The following GLIS3 variants were observed in gnomAD, a reference collection of about 807,000 sequenced individuals.
GLIS3 encodes the protein GLIS family zinc finger 3, also known as zinc finger protein GLIS3.
GLIS3 carries 53 observed loss-of-function variants against 78.6 expected under a neutral mutation model. The observed-to-expected ratio is 0.67, with a 90% CI of 0.54 to 0.85. GLIS3 has a LOEUF of 0.85. GLIS3 is among the 40% of genes least tolerant of loss of function. GLIS3 has a pLI of 0.00. For missense variants in GLIS3, 1,703 were observed against 1,231.1 expected (o/e 1.38, Z -5.74); for synonymous variants, 684 against 509.9 (o/e 1.34, Z -4.60).
the GLIS3 span, among the ~76,000 whole-genome samples, chr9:4,377,622 G>A: frequency 9.0e-5 from 7 of 77,688 alleles, no homozygotes; most frequent in Admixed American, 3.7e-4. Context: ...ATCTTATTTC[G>A]CAAAGTAGTG....
At chr9:4,432,639 T>C in the GLIS3 span, among the ~76,000 whole-genome samples, 1 of 46,856 alleles carries the variant, frequency 2.1e-5, no homozygotes, top group East Asian at 1.2e-3. Context: ...TTTTATTTCC[T>C]TTTTTTTTTT....
chr9:4,394,251 A>T, the GLIS3 span, among the ~76,000 whole-genome samples: 246 of 151,916 alleles, frequency 1.6e-3, 1 homozygote, highest in African/African-American at 5.7e-3. Flanking sequence ...TTCAATTTTT[A>T]AAAATTATTA....
At chr9:4,289,620 T>C (rs537146497) in intron 1 of GLIS3, among the ~76,000 whole-genome samples, 2 of 152,204 alleles carry the variant, frequency 1.3e-5, no homozygotes, top group South Asian at 2.1e-4. Context: ...CATTTTCTCC[T>C]CTGTTCTCCA....
intron 2 of GLIS3, among the ~76,000 whole-genome samples, chr9:4,278,360 G>T (rs1827217822): frequency 6.6e-6 from 1 of 152,120 alleles, no homozygotes. Flanking sequence ...TCCAGGTATG[G>T]GGCACGCAAA....
intron 4 of GLIS3, among the ~76,000 whole-genome samples, chr9:4,112,690 T>TA (rs892118407): frequency 1.6e-4 from 25 of 152,118 alleles, no homozygotes; most frequent in Non-Finnish European, 2.5e-4. Context: ...TGTTCTCATC[T>TA]AAAAAAATGA....
At chr9:3,989,617 A>C (rs1820056383) in intron 4 of GLIS3, among the ~76,000 whole-genome samples, 1 of 152,210 alleles carries the variant, frequency 6.6e-6, no homozygotes, top group Non-Finnish European at 1.5e-5. Context: ...TGAGTGAAAA[A>C]GCCACTCCGA....
intron 4 of GLIS3, among the ~76,000 whole-genome samples, chr9:4,005,407 T>C (rs192089464): frequency 6.6e-6 from 1 of 152,330 alleles, no homozygotes; most frequent in East Asian, 1.9e-4. Flanking sequence ...TAGATACATG[T>C]ATATTCATAC....
intron 4 of GLIS3, among the ~76,000 whole-genome samples, chr9:4,306,808 T>G (rs1360063386): frequency 1.3e-5 from 2 of 152,226 alleles, no homozygotes; most frequent in Non-Finnish European, 2.9e-5. Flanking sequence ...CATAACTAAA[T>G]GCCATTTAAA....
At chr9:4,169,914 T>A (rs1254205617) in intron 2 of GLIS3, among the ~76,000 whole-genome samples, 1 of 152,212 alleles carries the variant, frequency 6.6e-6, no homozygotes, top group Non-Finnish European at 1.5e-5. Flanking sequence ...TAGCAATCAG[T>A]AAATATTGAC....
At chr9:3,994,420 C>G (rs1209715796) in intron 4 of GLIS3, among the ~76,000 whole-genome samples, 1 of 152,208 alleles carries the variant, frequency 6.6e-6, no homozygotes, top group African/African-American at 2.4e-5. Flanking sequence ...ATTTGGGATT[C>G]ATTTTTCTCA....
At chr9:3,847,018 T>C (rs1819090386) in intron 9 of GLIS3, among the ~76,000 whole-genome samples, 1 of 152,062 alleles carries the variant, frequency 6.6e-6, no homozygotes, top group Admixed American at 6.5e-5. Context: ...ACGGTGTCTC[T>C]ACTAAAAATA....
chr9:4,135,787 T>G (rs1274803619), intron 2 of GLIS3, among the ~76,000 whole-genome samples: 1 of 152,196 alleles, frequency 6.6e-6, no homozygotes, highest in Admixed American at 6.5e-5. Flanking sequence ...CTCTCCCATC[T>G]GCTATGCAAA....
intron 4 of GLIS3, among the ~76,000 whole-genome samples, chr9:4,018,960 T>G (rs1199876384): frequency 6.6e-6 from 1 of 152,224 alleles, no homozygotes; most frequent in Non-Finnish European, 1.5e-5. Context: ...GTGCCCCCTC[T>G]GGGTCTCGAA....
chr9:3,889,336 T>A (rs1450498159), intron 7 of GLIS3, among the ~76,000 whole-genome samples: 1 of 152,168 alleles, frequency 6.6e-6, no homozygotes, highest in African/African-American at 2.4e-5. Flanking sequence ...ACTTTTGGGG[T>A]TCCATAGAGT....
At chr9:4,204,753 A>C (rs1460812101) in intron 2 of GLIS3, among the ~76,000 whole-genome samples, 4 of 152,036 alleles carry the variant, frequency 2.6e-5, no homozygotes, top group African/African-American at 9.7e-5. Context: ...GTCTCTAGTA[A>C]AATACAAAAA....
At position 3,827,057 on chromosome 9, in the gene GLIS3, A is replaced by T. The variant is rs1817761677; in HGVS notation, c.*1215T>A. On this transcript the variant is annotated 3_prime_UTR_variant, in exon 11 of 11. Coordinates refer to ENST00000381971, the MANE Select transcript of GLIS3 (RefSeq NM_001042413.2). ...GAAAAAGAATTGCCTCTTTCTGTAG[A>T]CTTTTCGAGAACTGTCACCTCTACC... is the stretch of plus-strand genomic sequence containing the variant. The T allele has an allele frequency of 6.6e-6, 1 of 152,174 alleles. No homozygotes were observed. Among genetic ancestry groups the T allele is most frequent in the Admixed American group, 6.5e-5 (1 of 15,280 alleles). 9.4% of individuals were successfully genotyped at this position (152,174 alleles called of 1,614,324 possible).
chr9:4,469,678 A>C, the GLIS3 span, among the ~76,000 whole-genome samples: 1 of 152,228 alleles, frequency 6.6e-6, no homozygotes, highest in African/African-American at 2.4e-5. Context: ...CCACAAGAGA[A>C]AGCAGGAAAG....
upstream of GLIS3, among the ~76,000 whole-genome samples, chr9:4,351,266 T>C (rs1409420716): frequency 6.6e-6 from 1 of 151,680 alleles, no homozygotes; most frequent in Admixed American, 6.6e-5. Context: ...AAACAAACAA[T>C]TAACTGGGTG....
the GLIS3 span, among the ~76,000 whole-genome samples, chr9:4,388,206 T>C: frequency 6.6e-6 from 1 of 152,192 alleles, no homozygotes; most frequent in African/African-American, 2.4e-5. Context: ...AGACCCCTTT[T>C]CCACTTCTAT....
Sources: allele counts gnomAD v4.1 joint callset (sites outside exome capture counted in the v4.1 genomes callset), GRCh38; gene constraint gnomAD v4.1.1; transcripts MANE v1.5; gene names NCBI Gene and HGNC (gene_info 2026-07-23, HGNC 2026-07-21).